The following PPP3CA variants were observed in gnomAD, a reference collection of about 807,000 sequenced individuals.
PPP3CA encodes protein phosphatase 3 catalytic subunit alpha, also known as CAM-PRP catalytic subunit.
Under a neutral mutation model 66.5 loss-of-function variants are expected in PPP3CA, and 14 were observed. That is an observed-to-expected ratio of 0.21 (90% CI 0.14 to 0.33). PPP3CA has a LOEUF of 0.33. PPP3CA is among the 10% of genes least tolerant of loss of function. The pLI is 1.00. For missense variants in PPP3CA, 317 were observed against 639.5 expected, an observed-to-expected ratio of 0.50 and a Z score of 5.44; for synonymous variants, 232 against 226.2, an observed-to-expected ratio of 1.03 and a Z score of -0.23.
chr4:101,196,172 C>G, intron 1 of PPP3CA, 56 bp from the exon 2 acceptor site: 2 of 1,470,768 alleles, frequency 1.4e-6, no homozygotes, highest in East Asian at 2.3e-5. Context: ...ACAAACAATG[C>G]AATAATAACC....
rs564152039 is a variant in PPP3CA at position 101,173,774 on chromosome 4, A to C, written c.259+22142T>G. ...TAAATATTTCATTAAGAAAAAAAAGAGCATGGTGGATCATGCTTGTAATCT... is the reference window on the plus strand; with the variant it reads ...TAAATATTTCATTAAGAAAAAAAAGCGCATGGTGGATCATGCTTGTAATCT... On this transcript the variant is annotated intron_variant, in intron 2 of 13. Transcript: ENST00000394854. 5.3e-5 allele frequency among the ~76,000 whole-genome samples: 8 copies of C among 152,300 alleles called. No homozygotes were observed. In the South Asian group the frequency reaches 1.0e-3, roughly 20 times the overall value.
chr4:101,277,938 T>A (rs1034857719), intron 1 of PPP3CA, among the ~76,000 whole-genome samples: 1 of 151,972 alleles, frequency 6.6e-6, no homozygotes. Context: ...GTCCTATAAA[T>A]CCCCTTCCTA....
At chr4:101,275,454 C>T (rs1727460314) in intron 1 of PPP3CA, among the ~76,000 whole-genome samples, 1 of 152,146 alleles carries the variant, frequency 6.6e-6, no homozygotes, top group Non-Finnish European at 1.5e-5. Flanking sequence ...TAACCTTGTA[C>T]CACCCATATT....
intron 1 of PPP3CA, among the ~76,000 whole-genome samples, chr4:101,226,649 G>A (rs373742726): frequency 1.3e-5 from 2 of 151,780 alleles, no homozygotes; most frequent in African/African-American, 4.8e-5. Context: ...GGAAGTCCTT[G>A]AAACCTGGCA....
At chr4:101,028,563 A>ACTT (rs1726776157) in intron 13 of PPP3CA, among the ~76,000 whole-genome samples, 1 of 152,160 alleles carries the variant, frequency 6.6e-6, no homozygotes, top group South Asian at 2.1e-4. Context: ...ATGCTTTTGA[A>ACTT]CTTTTTATAA....
At chr4:101,293,517 A>G (rs1205047389) in intron 1 of PPP3CA, among the ~76,000 whole-genome samples, 2 of 152,134 alleles carry the variant, frequency 1.3e-5, no homozygotes, top group African/African-American at 4.8e-5. Context: ...GAGTGAACAC[A>G]TGTCTTTGGA....
intron 2 of PPP3CA, among the ~76,000 whole-genome samples, chr4:101,170,115 A>C (rs1723826057): frequency 6.6e-6 from 1 of 152,186 alleles, no homozygotes; most frequent in Non-Finnish European, 1.5e-5. Flanking sequence ...AAGATACAAA[A>C]GTGACTTAAA....
At chr4:101,122,506 C>G (rs918001252) in intron 2 of PPP3CA, among the ~76,000 whole-genome samples, 7 of 152,072 alleles carry the variant, frequency 4.6e-5, no homozygotes, top group Non-Finnish European at 8.8e-5. Context: ...TAGGTATAGA[C>G]AGTAATTCTT....
chr4:101,334,087 C>A (rs1729545057), intron 1 of PPP3CA, among the ~76,000 whole-genome samples: 1 of 151,750 alleles, frequency 6.6e-6, no homozygotes, highest in Admixed American at 6.6e-5. Flanking sequence ...ACTTACCGAG[C>A]AGGAGATTAT....
intron 9 of PPP3CA, 67 bp downstream of exon 9, chr4:101,063,165 T>C: frequency 1.3e-6 from 2 of 1,536,054 alleles, no homozygotes; most frequent in Non-Finnish European, 8.8e-7. Flanking sequence ...TCTTTCTGAG[T>C]GTTTAATCTC....
chr4:101,220,216 T>G (rs1360455306), intron 1 of PPP3CA, among the ~76,000 whole-genome samples: 2 of 151,668 alleles, frequency 1.3e-5, no homozygotes, highest in Non-Finnish European at 1.5e-5. Flanking sequence ...TTTCAAATCC[T>G]TTGAGACAAG....
At chr4:101,168,119 G>A (rs549194499) in intron 2 of PPP3CA, among the ~76,000 whole-genome samples, 7 of 152,292 alleles carry the variant, frequency 4.6e-5, no homozygotes, top group Non-Finnish European at 8.8e-5. Flanking sequence ...TCCAGCCAAG[G>A]TAGTGGAAGG....
At position 101,230,876 on chromosome 4, in the gene PPP3CA, C is replaced by T. The variant is rs150300259; in HGVS notation, c.59-34760G>A. ...CTACTTTTCCTGAATACATCACAAT[C>T]GTTTCAAGACTTTCTGTGTATTCTC... On this transcript the variant is annotated intron_variant, in intron 1 of 13. Coordinates refer to ENST00000394854, the MANE Select transcript of PPP3CA (RefSeq NM_000944.5). 7.3e-3 allele frequency among the ~76,000 whole-genome samples: 1,111 copies of T among 151,860 alleles called. 11 individuals are homozygous for T. Among genetic ancestry groups the T allele is most frequent in the African/African-American group, 0.026 (1,060 of 41,490 alleles).
chr4:101,049,527 AAGCAGTC>A (rs1727919245), intron 10 of PPP3CA, among the ~76,000 whole-genome samples: 1 of 152,112 alleles, frequency 6.6e-6, no homozygotes. Flanking sequence ...TCTAAAAGGG[AAGCAGTC>A]ATAATGCCTG....
intron 2 of PPP3CA, among the ~76,000 whole-genome samples, chr4:101,114,458 T>A (rs1239833303): frequency 2.0e-5 from 3 of 152,118 alleles, no homozygotes; most frequent in Admixed American, 2.0e-4. Flanking sequence ...CACTGAGCTG[T>A]TTAATCTATT....
At chr4:101,198,294 T>C (rs1724863571) in intron 1 of PPP3CA, among the ~76,000 whole-genome samples, 3 of 152,164 alleles carry the variant, frequency 2.0e-5, no homozygotes. Context: ...CACATTTCTT[T>C]ATGCAGGTCT....
At chr4:101,307,441 G>A (rs538842370) in intron 1 of PPP3CA, among the ~76,000 whole-genome samples, 12 of 152,242 alleles carry the variant, frequency 7.9e-5, no homozygotes, top group South Asian at 2.1e-4. Context: ...AATCAGATAC[G>A]TCACCATAGT....
chr4:101,345,661 C>G (rs557771820), intron 1 of PPP3CA, among the ~76,000 whole-genome samples: 3 of 152,296 alleles, frequency 2.0e-5, no homozygotes, highest in Non-Finnish European at 2.9e-5. Context: ...CCCCACTACA[C>G]CTAGGAATAC....
At chr4:101,249,377 GTATTATT>G (rs1457320874) in intron 1 of PPP3CA, among the ~76,000 whole-genome samples, 1 of 151,492 alleles carries the variant, frequency 6.6e-6, no homozygotes, top group Non-Finnish European at 1.5e-5. Context: ...AATGCCTTTG[GTATTATT>G]TATCCTTATT....
Sources: gnomAD v4.1 joint callset for allele counts (sites outside exome capture counted in the v4.1 genomes callset) on GRCh38, gnomAD v4.1.1 for gene constraint, MANE v1.5 for transcripts, NCBI Gene and HGNC (gene_info 2026-07-23, HGNC 2026-07-21) for gene names.